Variants in TMEM117 observed in about 807,000 individuals in gnomAD.
TMEM117 encodes transmembrane protein 117.
TMEM117 carries 27 observed loss-of-function variants against 52.4 expected under a neutral mutation model. The observed-to-expected ratio is 0.51, with a 90% CI of 0.38 to 0.71. The LOEUF is 0.71. Ranked by LOEUF, TMEM117 falls within the 30% of genes least tolerant of loss-of-function variation. The probability of loss-of-function intolerance (pLI) is 0.00; values close to 1 mark genes in which losing one functional copy is unlikely to be tolerated. For missense variants in TMEM117, 556 were observed against 630.5 expected, an observed-to-expected ratio of 0.88 and a Z score of 1.26; for synonymous variants, 215 against 206.3, an observed-to-expected ratio of 1.04 and a Z score of -0.36.
intron 5 of TMEM117, among the ~76,000 whole-genome samples, chr12:44,230,837 A>G (rs927107347): frequency 2.0e-5 from 3 of 151,936 alleles, no homozygotes; most frequent in African/African-American, 7.2e-5. Context: ...CATTTCTTTA[A>G]TTCCTAGATG....
chr12:43,910,092 T>G (rs1944469453), intron 2 of TMEM117, among the ~76,000 whole-genome samples: 1 of 111,116 alleles, frequency 9.0e-6, no homozygotes. Context: ...GCAAAAATCC[T>G]CAATAAAATA....
At chr12:44,105,008 G>C (rs891000620) in intron 3 of TMEM117, among the ~76,000 whole-genome samples, 2 of 151,768 alleles carry the variant, frequency 1.3e-5, no homozygotes, top group African/African-American at 4.8e-5. Context: ...TCTGTGGTTT[G>C]GTGTCTGACA....
At chr12:43,893,944 T>C (rs893419974) in intron 2 of TMEM117, among the ~76,000 whole-genome samples, 1 of 152,214 alleles carries the variant, frequency 6.6e-6, no homozygotes, top group African/African-American at 2.4e-5. Flanking sequence ...TTTCTCCACC[T>C]CTGCATGGTA....
chr12:44,061,237 G>C (rs1365712065), intron 3 of TMEM117, among the ~76,000 whole-genome samples: 3 of 151,654 alleles, frequency 2.0e-5, no homozygotes, highest in Non-Finnish European at 4.4e-5. Context: ...GTAGATCTCT[G>C]GTATCTGGGG....
intron 3 of TMEM117, among the ~76,000 whole-genome samples, chr12:44,059,196 G>A (rs1391427685): frequency 2.0e-5 from 3 of 152,156 alleles, no homozygotes; most frequent in Non-Finnish European, 4.4e-5. Context: ...TTCCTAACAG[G>A]CAGCAGTATC....
chr12:44,064,070 A>G (rs1319056025), intron 3 of TMEM117, among the ~76,000 whole-genome samples: 1 of 152,070 alleles, frequency 6.6e-6, no homozygotes, highest in Non-Finnish European at 1.5e-5. Flanking sequence ...CTGAGAACCA[A>G]TTCTGGAGAG....
Position 43,875,559 on chromosome 12 carries a change from A to G in TMEM117, c.277+30631A>G, listed in dbSNP as rs554903132. Among the ~76,000 whole-genome samples, 28 of 152,308 alleles carry G rather than the reference A, an allele frequency of 1.8e-4. No individual in the cohort carries two copies. The East Asian group carries it at 2.7e-3, about 15-fold the overall frequency. The stretch of plus-strand genomic sequence containing the variant: ...TAAAAGTCATGCAGGACTGTGTCCA[A>G]TAAAGTTTCTCTCATAAATTCATTT... On this transcript the variant is annotated intron_variant, in intron 2 of 7. Coordinates refer to ENST00000266534, the MANE Select transcript of TMEM117 (RefSeq NM_032256.3).
intron 5 of TMEM117, among the ~76,000 whole-genome samples, chr12:44,214,126 A>AT (rs71832267): frequency 2.9e-5 from 4 of 138,642 alleles, no homozygotes; most frequent in East Asian, 2.1e-4. Flanking sequence ...TGTCTTACAA[A>AT]TTTTTTTTTT....
intron 3 of TMEM117, among the ~76,000 whole-genome samples, chr12:44,040,306 G>A (rs1291029218): frequency 4.6e-5 from 7 of 151,868 alleles, no homozygotes; most frequent in Admixed American, 2.6e-4. Context: ...TTTAACAACT[G>A]GCTCACAAAA....
At chr12:43,976,266 G>A (rs1371369995) in intron 3 of TMEM117, among the ~76,000 whole-genome samples, 3 of 152,126 alleles carry the variant, frequency 2.0e-5, no homozygotes, top group African/African-American at 7.2e-5. Flanking sequence ...GTACACTGCA[G>A]TATCAGACCA....
At chr12:44,380,845 T>C (rs942881064) in intron 7 of TMEM117, among the ~76,000 whole-genome samples, 6 of 152,200 alleles carry the variant, frequency 3.9e-5, no homozygotes, top group African/African-American at 1.4e-4. Flanking sequence ...TACCCACTAT[T>C]CTGAGTTTTC....
At chr12:44,345,735 T>G (rs1402218852) in intron 6 of TMEM117, among the ~76,000 whole-genome samples, 1 of 152,148 alleles carries the variant, frequency 6.6e-6, no homozygotes, top group Non-Finnish European at 1.5e-5. Flanking sequence ...TGTTATTTAT[T>G]TACTTATTTC....
intron 2 of TMEM117, among the ~76,000 whole-genome samples, chr12:43,868,788 G>A (rs1943654160): frequency 6.6e-6 from 1 of 151,764 alleles, no homozygotes. Flanking sequence ...GTAAGGGGTT[G>A]GGAAAAGAAC....
At position 44,208,201 on chromosome 12, in the gene TMEM117, C is replaced by T. The variant is rs574638281; in HGVS notation, c.511-3089C>T. ...TTAAACCTCAAAATGCATGTTTTTG[C>T]TCAGATTGTACAATATGTATTCTAA... On this transcript the variant is annotated intron_variant, in intron 4 of 7. Coordinates refer to ENST00000266534, the MANE Select transcript of TMEM117 (RefSeq NM_032256.3). 4.6e-5 allele frequency among the ~76,000 whole-genome samples: 7 copies of T among 152,134 alleles called. No homozygotes were observed. In the East Asian group the frequency reaches 1.4e-3, roughly 29 times the overall value.
intron 3 of TMEM117, among the ~76,000 whole-genome samples, chr12:43,962,934 TAA>T (rs748027479): frequency 7.0e-6 from 1 of 142,760 alleles, no homozygotes; most frequent in Non-Finnish European, 1.5e-5. Flanking sequence ...AGACTCCGTT[TAA>T]AAAAAAAAAA....
chr12:43,875,069 C>G (rs1943770707), intron 2 of TMEM117, among the ~76,000 whole-genome samples: 1 of 152,110 alleles, frequency 6.6e-6, no homozygotes, highest in Non-Finnish European at 1.5e-5. Flanking sequence ...ACAGGTTAGC[C>G]TCTATAATTT....
At chr12:44,107,035 G>A (rs1008953833) in intron 3 of TMEM117, among the ~76,000 whole-genome samples, 1 of 152,022 alleles carries the variant, frequency 6.6e-6, no homozygotes, top group Non-Finnish European at 1.5e-5. Context: ...CGTCAATAAA[G>A]TTGATGATGG....
intron 3 of TMEM117, among the ~76,000 whole-genome samples, chr12:44,101,154 C>T (rs1947853785): frequency 3.3e-5 from 5 of 149,628 alleles, no homozygotes; most frequent in Admixed American, 3.3e-4. Context: ...TTCCAAAGGC[C>T]CCACCTCCTA....
the TMEM117 span, chr12:43,805,881 C>T: frequency 2.8e-6 from 4 of 1,450,236 alleles, no homozygotes; most frequent in Non-Finnish European, 3.7e-6. Context: ...TGTCCCAGCT[C>T]TTCCCTACGT....
Sources: gnomAD v4.1 joint callset for allele counts (sites outside exome capture counted in the v4.1 genomes callset) on GRCh38, gnomAD v4.1.1 for gene constraint, MANE v1.5 for transcripts, NCBI Gene and HGNC (gene_info 2026-07-23, HGNC 2026-07-21) for gene names.